Variants in ULK4 observed in about 807,000 individuals in gnomAD.
ULK4 encodes unc-51 like kinase 4.
Under a neutral mutation model 160.6 loss-of-function variants are expected in ULK4, and 133 were observed. The ratio of observed to expected loss-of-function variants is 0.83; its 90% CI spans 0.72 to 0.96. ULK4 has a LOEUF of 0.96. Ranked by LOEUF, ULK4 falls within the 40% of genes least tolerant of loss-of-function variation. The probability of loss-of-function intolerance (pLI) is 0.00; values close to 1 mark genes in which losing one functional copy is unlikely to be tolerated. For synonymous variants in ULK4, 534 were observed against 539.8 expected, an observed-to-expected ratio of 0.99 and a Z score of 0.15; for missense variants, 1,580 against 1,499.5, an observed-to-expected ratio of 1.05 and a Z score of -0.89.
chr3:41,792,559 C>T (rs73073323), intron 20 of ULK4, among the ~76,000 whole-genome samples: 18,857 of 152,124 alleles, frequency 0.12, 1,370 homozygotes, highest in Middle Eastern at 0.27. Flanking sequence ...AAACCAACTT[C>T]CCATTGTTAT....
At chr3:41,410,755 CA>C (rs1386977346) in intron 34 of ULK4, among the ~76,000 whole-genome samples, 25 of 152,112 alleles carry the variant, frequency 1.6e-4, no homozygotes, top group Admixed American at 8.5e-4. Flanking sequence ...TCTCTGAGTT[CA>C]ACATTGTCCT....
intron 32 of ULK4, among the ~76,000 whole-genome samples, chr3:41,463,525 T>A (rs1225813691): frequency 6.6e-6 from 1 of 152,136 alleles, no homozygotes; most frequent in Non-Finnish European, 1.5e-5. Context: ...AACACCATCC[T>A]ACATGGGCAG....
At position 41,433,446 on chromosome 3, in the gene ULK4, AC is replaced by A. The variant is rs543545453; in HGVS notation, c.3492+22050del. 9.9e-5 allele frequency among the ~76,000 whole-genome samples: 15 copies of A among 152,278 alleles called. No homozygotes were observed. In the East Asian group the frequency reaches 2.5e-3, roughly 25 times the overall value. Reference sequence around the variant, plus strand: ...TCTATATCAAAACTAAAAATTCACAACCTTTTACCTAGCAATTCTATTTCTA... The same window carrying A: ...TCTATATCAAAACTAAAAATTCACAACTTTTACCTAGCAATTCTATTTCTA... On this transcript the variant is annotated intron_variant, in intron 34 of 36. Transcript: ENST00000301831.
At chr3:41,888,150 CA>C (rs977458200) in intron 16 of ULK4, among the ~76,000 whole-genome samples, 1 of 151,348 alleles carries the variant, frequency 6.6e-6, no homozygotes, top group Non-Finnish European at 1.5e-5. Flanking sequence ...GGAAAAGAAA[CA>C]AAAGAAAGAA....
Position 41,510,615 on chromosome 3 carries a change from G to A in ULK4, c.3227-47362C>T, listed in dbSNP as rs553536013. On this transcript the variant is annotated intron_variant, in intron 32 of 36. Coordinates refer to ENST00000301831, the MANE Select transcript of ULK4 (RefSeq NM_017886.4). ...AAGTCTCAGTAAATTTTAAAAAATCGAAATTATATCTAGCACTCTCTCAGA... is the reference window on the plus strand; with the variant it reads ...AAGTCTCAGTAAATTTTAAAAAATCAAAATTATATCTAGCACTCTCTCAGA... Among the ~76,000 whole-genome samples, 8 of 152,180 alleles carry A rather than the reference G, an allele frequency of 5.3e-5. No individual in the cohort carries two copies. The East Asian group carries it at 1.2e-3, about 22-fold the overall frequency.
intron 21 of ULK4, among the ~76,000 whole-genome samples, chr3:41,785,010 A>T (rs1385144601): frequency 6.6e-6 from 1 of 152,242 alleles, no homozygotes; most frequent in African/African-American, 2.4e-5. Flanking sequence ...CTGCTGGATA[A>T]ATTACAAATA....
At chr3:41,432,625 C>T (rs1396590778) in intron 34 of ULK4, among the ~76,000 whole-genome samples, 3 of 152,148 alleles carry the variant, frequency 2.0e-5, no homozygotes, top group African/African-American at 4.8e-5. Flanking sequence ...TCATAGAAGA[C>T]ACTTTGCTAT....
intron 34 of ULK4, among the ~76,000 whole-genome samples, chr3:41,431,547 CTTTT>C (rs1553664758): frequency 1.0e-5 from 1 of 95,848 alleles, no homozygotes; most frequent in Admixed American, 1.1e-4. Flanking sequence ...AATTCCCTCC[CTTTT>C]TTTTTTTTTT....
chr3:41,846,531 G>A (rs538475419), intron 17 of ULK4, among the ~76,000 whole-genome samples: 100 of 152,174 alleles, frequency 6.6e-4, no homozygotes, highest in African/African-American at 2.1e-3. Context: ...GAGGCCAGGC[G>A]CAGTGGCTCA....
At chr3:41,708,842 C>T (rs986803023) in intron 25 of ULK4, among the ~76,000 whole-genome samples, 1 of 151,984 alleles carries the variant, frequency 6.6e-6, no homozygotes, top group African/African-American at 2.4e-5. Context: ...CTGTTGTACA[C>T]AATAAATGTA....
Position 41,497,658 on chromosome 3 carries a change from G to T in ULK4, c.3227-34405C>A, listed in dbSNP as rs150127624. Among the ~76,000 whole-genome samples the T allele has an allele frequency of 7.2e-3, 1,100 of 152,192 alleles. 8 individuals are homozygous for T. The highest frequency in any genetic ancestry group is 0.011 in the Non-Finnish European group (747 of 68,002). Reference sequence around the variant, plus strand: ...ACAAATAAGGACATTCCATATTGATGATATAAGGGTCATCAAGAATACCTA... The same window carrying T: ...ACAAATAAGGACATTCCATATTGATTATATAAGGGTCATCAAGAATACCTA... On this transcript the variant is annotated intron_variant, in intron 32 of 36. Transcript: ENST00000301831.
intron 35 of ULK4, among the ~76,000 whole-genome samples, chr3:41,281,300 T>C (rs950312134): frequency 6.6e-6 from 1 of 152,218 alleles, no homozygotes; most frequent in Non-Finnish European, 1.5e-5. Context: ...TAACTCATTT[T>C]ATGAGGCCAG....
chr3:41,418,324 CT>C (rs1251198758), intron 34 of ULK4, among the ~76,000 whole-genome samples: 1 of 133,250 alleles, frequency 7.5e-6, no homozygotes, highest in African/African-American at 3.1e-5. Context: ...TCATGACATA[CT>C]TTTTTTCTTA....
At chr3:41,277,341 G>A (rs11129898) in intron 35 of ULK4, among the ~76,000 whole-genome samples, 37,881 of 152,020 alleles carry the variant, frequency 0.25, 6,982 homozygotes, top group African/African-American at 0.52. Context: ...CATAAATGCT[G>A]AAATCCTTAA....
At chr3:41,532,633 G>A (rs1347364078) in intron 32 of ULK4, among the ~76,000 whole-genome samples, 1 of 152,084 alleles carries the variant, frequency 6.6e-6, no homozygotes, top group Non-Finnish European at 1.5e-5. Flanking sequence ...CTAGATCTGG[G>A]ATAAAGTTTT....
At chr3:41,721,333 A>AATATATAT (rs71075483) in intron 22 of ULK4, among the ~76,000 whole-genome samples, 130 of 26,942 alleles carry the variant, frequency 4.8e-3, no homozygotes, top group Non-Finnish European at 6.1e-3. Flanking sequence ...TTTTAATGTA[A>AATATATAT]ATATATATAT....
At chr3:41,625,455 C>T (rs1035216356) in intron 30 of ULK4, among the ~76,000 whole-genome samples, 11 of 152,180 alleles carry the variant, frequency 7.2e-5, no homozygotes, top group African/African-American at 1.9e-4. Context: ...CAAACCCCAA[C>T]GCACTCTGAA....
At chr3:41,915,124 C>T (rs1342233170) in intron 8 of ULK4, among the ~76,000 whole-genome samples, 1 of 152,134 alleles carries the variant, frequency 6.6e-6, no homozygotes, top group Non-Finnish European at 1.5e-5. Context: ...TATGTGGATA[C>T]ACCGTCTTAA....
intron 35 of ULK4, among the ~76,000 whole-genome samples, chr3:41,342,441 T>C (rs2080707390): frequency 6.6e-6 from 1 of 152,212 alleles, no homozygotes; most frequent in Non-Finnish European, 1.5e-5. Flanking sequence ...GTGTTGCTAC[T>C]GTTATTAGAA....
Sources: gnomAD v4.1 joint callset for allele counts (sites outside exome capture counted in the v4.1 genomes callset) on GRCh38, gnomAD v4.1.1 for gene constraint, MANE v1.5 for transcripts, NCBI Gene and HGNC (gene_info 2026-07-23, HGNC 2026-07-21) for gene names.